Variants in KHDRBS2 observed in about 807,000 individuals in gnomAD.
KHDRBS2 encodes KH RNA binding domain containing, signal transduction associated 2, also known as KH domain-containing, RNA-binding, signal transduction-associated protein 2.
In KHDRBS2, 26 loss-of-function variants were observed where a neutral mutation model predicts 44.3. The observed-to-expected ratio is 0.59, with a 90% CI of 0.43 to 0.81. The LOEUF (loss-of-function observed/expected upper bound fraction) is 0.81, where lower values mean the gene tolerates loss of function less well. Among genes scored for constraint, KHDRBS2 ranks in the 40% least tolerant of loss-of-function variants. The probability of loss-of-function intolerance (pLI) is 0.00; values close to 1 mark genes in which losing one functional copy is unlikely to be tolerated. For synonymous variants in KHDRBS2, 194 were observed against 151.1 expected, an observed-to-expected ratio of 1.28 and a Z score of -2.08; for missense variants, 476 against 433.1, an observed-to-expected ratio of 1.10 and a Z score of -0.88.
chr6:61,573,998 C>T, the KHDRBS2 span, among the ~76,000 whole-genome samples: 1 of 152,100 alleles, frequency 6.6e-6, no homozygotes, highest in Non-Finnish European at 1.5e-5. Context: ...TTACAGCCAA[C>T]TGATCTTTGA....
At chr6:61,927,441 A>G (rs1427778685) in intron 4 of KHDRBS2, among the ~76,000 whole-genome samples, 3 of 152,280 alleles carry the variant, frequency 2.0e-5, no homozygotes, top group African/African-American at 7.2e-5. Context: ...ACTCTCAACT[A>G]GGTACTGACA....
At chr6:61,842,644 A>T (rs1793754019) in intron 6 of KHDRBS2, among the ~76,000 whole-genome samples, 1 of 152,170 alleles carries the variant, frequency 6.6e-6, no homozygotes, top group Non-Finnish European at 1.5e-5. Flanking sequence ...GCTATTGAGA[A>T]TATGAAATAG....
intron 4 of KHDRBS2, among the ~76,000 whole-genome samples, chr6:61,971,416 A>C (rs1446439234): frequency 6.6e-6 from 1 of 152,172 alleles, no homozygotes; most frequent in African/African-American, 2.4e-5. Context: ...AATTCAAAAA[A>C]AATGTTTTAT....
rs538435522 is a variant in KHDRBS2, at chr6:61,789,066, C to T, written c.811-56302G>A. Among the ~76,000 whole-genome samples, 8 of 151,178 alleles carry T rather than the reference C, an allele frequency of 5.3e-5. No homozygotes were observed. In the South Asian group the frequency reaches 8.3e-4, roughly 16 times the overall value. On this transcript the variant is annotated intron_variant, in intron 6 of 8. Coordinates refer to ENST00000281156, the MANE Select transcript of KHDRBS2 (RefSeq NM_152688.4). ...TCAGTTTTCTCATCTGCAAAATCGT[C>T]GTAAGAAAACGAGTAGCTATCTTGT...
intron 2 of KHDRBS2, among the ~76,000 whole-genome samples, chr6:62,105,805 T>A (rs374517997): frequency 6.6e-6 from 1 of 151,754 alleles, no homozygotes; most frequent in Non-Finnish European, 1.5e-5. Flanking sequence ...TTAGTTATTT[T>A]TTGCCTTCTG....
chr6:61,906,766 T>A (rs1381331533), intron 4 of KHDRBS2, among the ~76,000 whole-genome samples: 1 of 152,232 alleles, frequency 6.6e-6, no homozygotes, highest in African/African-American at 2.4e-5. Context: ...CCATCCTGTA[T>A]ACCAACCACA....
At chr6:61,610,874 C>T in the KHDRBS2 span, among the ~76,000 whole-genome samples, 93 of 152,246 alleles carry the variant, frequency 6.1e-4, no homozygotes, top group African/African-American at 2.2e-3. Context: ...ACTATAGTCA[C>T]GGAATCCACT....
intron 7 of KHDRBS2, among the ~76,000 whole-genome samples, chr6:61,699,268 G>A (rs1218351909): frequency 1.3e-5 from 2 of 151,842 alleles, no homozygotes; most frequent in Non-Finnish European, 2.9e-5. Context: ...AAAATAACAT[G>A]CAAAAGAGAA....
chr6:61,770,405 T>A lies in KHDRBS2; in HGVS notation c.811-37641A>T, dbSNP rs543061274. Among the ~76,000 whole-genome samples the A allele has an allele frequency of 3.2e-4, 49 of 152,046 alleles. 1 individual carries two copies. In the South Asian group the frequency reaches 1.0e-2, roughly 31 times the overall value. On this transcript the variant is annotated intron_variant, in intron 6 of 8. Coordinates refer to ENST00000281156, the MANE Select transcript of KHDRBS2 (RefSeq NM_152688.4). The stretch of plus-strand genomic sequence containing the variant: ...ACTACTCCGAGCTACAGGAGGAAAT[T>A]CAAACCAACGGCAAAGAAGTTAAAA...
At chr6:62,086,793 G>A (rs1798466407) in intron 2 of KHDRBS2, among the ~76,000 whole-genome samples, 1 of 152,090 alleles carries the variant, frequency 6.6e-6, no homozygotes, top group South Asian at 2.1e-4. Context: ...GAACACAGTA[G>A]CAGGTGGGTA....
chr6:62,177,547 CTG>C (rs10535510), intron 1 of KHDRBS2, among the ~76,000 whole-genome samples: 84,113 of 150,852 alleles, frequency 0.56, 24,020 homozygotes, highest in Non-Finnish European at 0.62. Context: ...GAAGATGTGA[CTG>C]TGTCTTCTGT....
At chr6:62,146,410 C>G (rs1335999136) in intron 2 of KHDRBS2, among the ~76,000 whole-genome samples, 1 of 151,560 alleles carries the variant, frequency 6.6e-6, no homozygotes, top group Non-Finnish European at 1.5e-5. Flanking sequence ...CTTCTCTCTA[C>G]TATTCCTTAC....
chr6:61,586,901 T>C, the KHDRBS2 span, among the ~76,000 whole-genome samples: 1 of 152,176 alleles, frequency 6.6e-6, no homozygotes, highest in African/African-American at 2.4e-5. Flanking sequence ...GTTAATCTAA[T>C]ATAAATAGGG....
At chr6:61,643,033 A>C in the KHDRBS2 span, among the ~76,000 whole-genome samples, 2 of 152,166 alleles carry the variant, frequency 1.3e-5, no homozygotes, top group African/African-American at 2.4e-5. Flanking sequence ...CACTTAAAAG[A>C]GAGCTTGAGT....
intron 7 of KHDRBS2, among the ~76,000 whole-genome samples, chr6:61,703,942 G>T (rs1245875371): frequency 6.6e-6 from 1 of 151,872 alleles, no homozygotes; most frequent in African/African-American, 2.4e-5. Context: ...GATTCCCAGT[G>T]CTGAAGGTGA....
chr6:62,087,435 C>A (rs183910720), intron 2 of KHDRBS2, among the ~76,000 whole-genome samples: 18 of 148,750 alleles, frequency 1.2e-4, no homozygotes, highest in Admixed American at 6.7e-5. Context: ...TTAGAAGACA[C>A]AAAAATAAAA....
At chr6:62,207,382 G>A (rs890890330) in intron 1 of KHDRBS2, among the ~76,000 whole-genome samples, 22 of 152,046 alleles carry the variant, frequency 1.4e-4, no homozygotes, top group African/African-American at 2.4e-4. Flanking sequence ...TGGTTTATAC[G>A]ATAAACAAGA....
At chr6:62,263,017 T>C (rs1838618500) in intron 1 of KHDRBS2, among the ~76,000 whole-genome samples, 1 of 151,690 alleles carries the variant, frequency 6.6e-6, no homozygotes, top group Non-Finnish European at 1.5e-5. Context: ...AAATCAAAGC[T>C]TGAGTATAAA....
At chr6:62,024,103 A>G (rs1171725061) in intron 3 of KHDRBS2, among the ~76,000 whole-genome samples, 1 of 151,314 alleles carries the variant, frequency 6.6e-6, no homozygotes, top group Non-Finnish European at 1.5e-5. Flanking sequence ...ATATCTTAAT[A>G]TCTTTCTCAT....
Sources: allele counts gnomAD v4.1 joint callset (sites outside exome capture counted in the v4.1 genomes callset), GRCh38; gene constraint gnomAD v4.1.1; transcripts MANE v1.5; gene names NCBI Gene and HGNC (gene_info 2026-07-23, HGNC 2026-07-21).